ADGRV1: variants seen among roughly 807,000 people sequenced by gnomAD.
ADGRV1 encodes the protein G-protein coupled receptor 98.
ADGRV1 carries 359 observed loss-of-function variants against 596.2 expected under a neutral mutation model. The observed-to-expected ratio is 0.60, with a 90% CI of 0.55 to 0.66. The LOEUF (loss-of-function observed/expected upper bound fraction) is 0.66, where lower values mean the gene tolerates loss of function less well. ADGRV1 is among the 30% of genes least tolerant of loss of function. The pLI, the probability that ADGRV1 is intolerant of heterozygous loss-of-function variation, is 0.00. For synonymous variants in ADGRV1, 2,681 were observed against 2,679.2 expected (o/e 1.00, Z -0.02); for missense variants, 7,274 against 7,575.6 (o/e 0.96, Z 1.48).
intron 77 of ADGRV1, 59 bp downstream of exon 77, chr5:90,829,245 G>A: frequency 7.8e-7 from 1 of 1,278,980 alleles, no homozygotes; most frequent in Non-Finnish European, 1.0e-6. Flanking sequence ...ACTACAGCAA[G>A]AGTAATGACA....
At chr5:90,662,675 T>A (rs892464183) in intron 21 of ADGRV1, among the ~76,000 whole-genome samples, 2 of 151,960 alleles carry the variant, frequency 1.3e-5, no homozygotes, top group Admixed American at 6.6e-5. Context: ...GTTAGTTACA[T>A]ATGTATACGT....
intron 1 of ADGRV1, among the ~76,000 whole-genome samples, chr5:90,591,173 C>T (rs1243979965): frequency 6.6e-6 from 1 of 152,130 alleles, no homozygotes; most frequent in Non-Finnish European, 1.5e-5. Flanking sequence ...GGGTGGATCA[C>T]TTGAGGCCAG....
chr5:90,871,132 C>A (rs953463310), intron 83 of ADGRV1, among the ~76,000 whole-genome samples: 1 of 151,958 alleles, frequency 6.6e-6, no homozygotes, highest in Non-Finnish European at 1.5e-5. Flanking sequence ...TAGCAATTAT[C>A]AAATAATTAT....
At chr5:90,860,392 C>T (rs1767441153) in intron 82 of ADGRV1, among the ~76,000 whole-genome samples, 1 of 152,100 alleles carries the variant, frequency 6.6e-6, no homozygotes, top group Admixed American at 6.5e-5. Context: ...CCTCCACCTC[C>T]AGGGTTCAAG....
At chr5:90,767,699 G>A (rs1757294395) in intron 59 of ADGRV1, among the ~76,000 whole-genome samples, 1 of 145,466 alleles carries the variant, frequency 6.9e-6, no homozygotes, top group African/African-American at 2.6e-5. Context: ...TCAGTCTAAT[G>A]ACTCTTCTTC....
At chr5:90,851,343 G>C (rs558846985) in intron 79 of ADGRV1, among the ~76,000 whole-genome samples, 1 of 151,998 alleles carries the variant, frequency 6.6e-6, no homozygotes, top group Non-Finnish European at 1.5e-5. Context: ...AAACAATTAG[G>C]TGGTAGAATT....
chr5:90,955,326 AAAATAATGCATTT>A (rs1777381659), intron 83 of ADGRV1, among the ~76,000 whole-genome samples: 1 of 152,172 alleles, frequency 6.6e-6, no homozygotes, highest in South Asian at 2.1e-4. Flanking sequence ...TTTCTGTCTG[AAAATAATGCATTT>A]CCCAATTTTG....
intron 53 of ADGRV1, among the ~76,000 whole-genome samples, chr5:90,751,076 C>T (rs1996549): frequency 0.38 from 57,731 of 151,850 alleles, 11,906 homozygotes; most frequent in Admixed American, 0.54. Flanking sequence ...AACAGTCGGA[C>T]TTATGAAAAA....
intron 85 of ADGRV1, among the ~76,000 whole-genome samples, chr5:91,040,094 AT>A (rs1469482111): frequency 1.2e-4 from 18 of 152,328 alleles, no homozygotes; most frequent in African/African-American, 4.3e-4. Flanking sequence ...GGAGGATAAA[AT>A]GTAGAAAATT....
Position 90,643,828 on chromosome 5 carries a change from TCAG to T in ADGRV1, c.2584_2586del (p.Ser862del), listed in dbSNP as rs1462699455. On this transcript the variant is annotated inframe_deletion, in exon 14 of 90. Coordinates refer to ENST00000405460, the MANE Select transcript of ADGRV1 (RefSeq NM_032119.4). ...TTGGATGAACACTACTGGGTGGTCC[TCAG>T]CAGCCACGGAGAACGGGAAAGCAAG... 5 of 1,609,368 alleles carry T rather than the reference TCAG, an allele frequency of 3.1e-6. No homozygotes were observed. The highest frequency in any genetic ancestry group is 3.4e-5 in the Admixed American group (2 of 59,422).
chr5:90,862,078 T>C (rs1472938877), intron 82 of ADGRV1, among the ~76,000 whole-genome samples: 2 of 152,214 alleles, frequency 1.3e-5, no homozygotes, highest in Non-Finnish European at 2.9e-5. Context: ...TATACTTAAT[T>C]AAATATTTCT....
At chr5:91,112,568 C>T (rs903385038) in intron 87 of ADGRV1, among the ~76,000 whole-genome samples, 5 of 152,114 alleles carry the variant, frequency 3.3e-5, no homozygotes, top group Admixed American at 6.6e-5. Context: ...ATTTGGGACT[C>T]GTTTTTACCT....
chr5:90,878,552 A>T (rs530815138), intron 83 of ADGRV1, among the ~76,000 whole-genome samples: 1 of 152,320 alleles, frequency 6.6e-6, no homozygotes, highest in African/African-American at 2.4e-5. Context: ...ATGAATTAAG[A>T]TCTCATTCCG....
chr5:90,596,276 G>T (rs1358833933), intron 1 of ADGRV1, among the ~76,000 whole-genome samples: 1 of 151,674 alleles, frequency 6.6e-6, no homozygotes, highest in East Asian at 1.9e-4. Flanking sequence ...TAGGATGGCC[G>T]CCGGGCAGAG....
At chr5:90,982,489 A>C (rs934939208) in intron 84 of ADGRV1, among the ~76,000 whole-genome samples, 1 of 152,214 alleles carries the variant, frequency 6.6e-6, no homozygotes, top group Non-Finnish European at 1.5e-5. Context: ...GGGTGGAAGA[A>C]GAAAGAAAAA....
rs1038178706 is a variant in ADGRV1 at position 90,607,661 on chromosome 5, G to A, written c.23-7174G>A. ...TCAATGTAAGAGTAAAGTTTTTTCT[G>A]TAGATACTAAAATTGGGACTTTCTA... On this transcript the variant is annotated intron_variant, in intron 1 of 89. Transcript: ENST00000405460. Among the ~76,000 whole-genome samples the A allele has an allele frequency of 5.3e-5, 8 of 152,206 alleles. No individual in the cohort carries two copies. The East Asian group carries it at 5.8e-4, about 11-fold the overall frequency.
chr5:91,095,114 G>C lies in ADGRV1; in HGVS notation c.18311-7105G>C, dbSNP rs73771171. Among the ~76,000 whole-genome samples the C allele has an allele frequency of 5.1e-3, 776 of 152,256 alleles. 11 individuals carry two copies. Among genetic ancestry groups the C allele is most frequent in the African/African-American group, 0.017 (722 of 41,548 alleles). ...AAAAGACAAGGAAATTCTAAAATTA[G>C]ATCTGAGTATAGAACTAATGACTAA... is the stretch of plus-strand genomic sequence containing the variant. On this transcript the variant is annotated intron_variant, in intron 86 of 89. Transcript: ENST00000405460.
At chr5:90,888,163 T>C (rs1770476525) in intron 83 of ADGRV1, among the ~76,000 whole-genome samples, 1 of 152,184 alleles carries the variant, frequency 6.6e-6, no homozygotes, top group Non-Finnish European at 1.5e-5. Flanking sequence ...GTGTATGAGA[T>C]CTGTCATGTC....
At chr5:90,763,555 C>T (rs1756750271) in intron 59 of ADGRV1, 86 bp downstream of exon 59, 1 of 1,368,122 alleles carries the variant, frequency 7.3e-7, no homozygotes, top group South Asian at 1.3e-5. Context: ...TCAGGGAGCA[C>T]ATGTGCAGGT....
Sources: allele counts gnomAD v4.1 joint callset (sites outside exome capture counted in the v4.1 genomes callset), GRCh38; gene constraint gnomAD v4.1.1; transcripts MANE v1.5; gene names NCBI Gene and HGNC (gene_info 2026-07-23, HGNC 2026-07-21).